The following SYNE2 variants were observed in gnomAD, a reference collection of about 807,000 sequenced individuals.
The protein encoded by SYNE2 is nesprin-2.
SYNE2 carries 431 observed loss-of-function variants against 856.3 expected under a neutral mutation model. The ratio of observed to expected loss-of-function variants is 0.50; its 90% CI spans 0.47 to 0.55. SYNE2 has a LOEUF of 0.55. Among genes scored for constraint, SYNE2 ranks in the 20% least tolerant of loss-of-function variants. The pLI, the probability that SYNE2 is intolerant of heterozygous loss-of-function variation, is 0.00. For synonymous variants in SYNE2, 2,923 were observed against 2,872.3 expected (o/e 1.02, Z -0.56); for missense variants, 8,129 against 8,023.2 (o/e 1.01, Z -0.50).
At chr14:64,002,184 A>G in intron 29 of SYNE2, 103 bp downstream of exon 29, 1 of 1,008,722 alleles carries the variant, frequency 9.9e-7, no homozygotes, top group Non-Finnish European at 1.5e-6. Flanking sequence ...ATAGATTAAG[A>G]GTATAAGCCA....
intron 11 of SYNE2, among the ~76,000 whole-genome samples, chr14:63,975,864 T>A (rs2096538329): frequency 6.6e-6 from 1 of 152,234 alleles, no homozygotes; most frequent in African/African-American, 2.4e-5. Context: ...CATAAATGTT[T>A]GGCCAATGAG....
chr14:63,779,558 C>A (rs1369050624), intron 1 of SYNE2, among the ~76,000 whole-genome samples: 1 of 151,924 alleles, frequency 6.6e-6, no homozygotes, highest in African/African-American at 2.4e-5. Flanking sequence ...GCCAAGACGT[C>A]CCCTCTCAAC....
chr14:63,832,271 A>G (rs187302014), intron 1 of SYNE2, among the ~76,000 whole-genome samples: 1 of 151,752 alleles, frequency 6.6e-6, no homozygotes, highest in East Asian at 2.0e-4. Context: ...GGAGGCTGGG[A>G]TGGGACGATC....
intron 85 of SYNE2, among the ~76,000 whole-genome samples, chr14:64,157,430 T>A (rs555174757): frequency 6.6e-6 from 1 of 152,370 alleles, no homozygotes; most frequent in South Asian, 2.1e-4. Context: ...CTTCATTTAT[T>A]TTTATGGCTA....
At chr14:64,020,750 T>A (rs984269355) in intron 35 of SYNE2, among the ~76,000 whole-genome samples, 4 of 152,200 alleles carry the variant, frequency 2.6e-5, no homozygotes, top group African/African-American at 9.7e-5. Context: ...CAAGTATGGT[T>A]TTCTGTTGTG....
upstream of SYNE2, among the ~76,000 whole-genome samples, chr14:63,849,716 G>A (rs552228556): frequency 6.6e-6 from 1 of 152,284 alleles, no homozygotes; most frequent in South Asian, 2.1e-4. Context: ...CCATGAGATC[G>A]GGCGACAGGG....
At chr14:64,175,220 G>T in intron 95 of SYNE2, 82 bp downstream of exon 95, 1 of 1,521,844 alleles carries the variant, frequency 6.6e-7, no homozygotes, top group Non-Finnish European at 9.0e-7. Context: ...AATGGAAATG[G>T]TTTTAGGAAA....
intron 65 of SYNE2, chr14:64,112,946 A>G (rs2097823413): frequency 1.1e-6 from 1 of 945,082 alleles, no homozygotes; most frequent in Non-Finnish European, 1.3e-6. Context: ...CTGTTGGAAT[A>G]GAGTGTGCAG....
intron 1 of SYNE2, among the ~76,000 whole-genome samples, chr14:63,795,697 A>T (rs1887894160): frequency 1.3e-5 from 2 of 152,192 alleles, no homozygotes; most frequent in African/African-American, 4.8e-5. Flanking sequence ...TGTGCCCAGC[A>T]ACGTGAATGT....
chr14:63,931,789 A>T (rs1354473548), intron 2 of SYNE2, among the ~76,000 whole-genome samples: 2 of 152,194 alleles, frequency 1.3e-5, no homozygotes, highest in African/African-American at 4.8e-5. Flanking sequence ...TCTCATGTTG[A>T]GTAGGAGGGA....
rs730880220 is a variant in SYNE2 at position 64,053,305 on chromosome 14, A to G, written c.9392A>G (p.Asp3131Gly). Residue 3131 changes from aspartate (D) to glycine (G), a missense_variant, in exon 48 of 116, where the codon GAT (aspartate) becomes GGT (glycine). This residue lies in a region of SYNE2 where 5,410 missense variants were observed against 5,284.8 expected (regional missense o/e 1.02). Transcript: ENST00000555002. Reference protein sequence around the residue: ...LQIKLNAEENDKLYKVLQNMV... With the variant: ...LQIKLNAEENGKLYKVLQNMV... ...ATAAAGCTGAATGCAGAAGAAAATG[A>G]TAAGTTATACAAAGTTCTCCAAAAC... The G allele has an allele frequency of 1.1e-5, 18 of 1,608,620 alleles. No homozygotes were observed. The highest frequency in any genetic ancestry group is 1.7e-5 in the Admixed American group (1 of 58,946).
At position 63,982,803 on chromosome 14, in the gene SYNE2, T is replaced by C; in HGVS notation, c.2001+9T>C. 1 of 1,613,406 alleles carries C rather than the reference T, an allele frequency of 6.2e-7. No individual in the cohort carries two copies. Among genetic ancestry groups the C allele is most frequent in the Non-Finnish European group, 8.5e-7 (1 of 1,179,556 alleles). On this transcript the variant is annotated intron_variant, in intron 17 of 115. Transcript: ENST00000555002. ...TTTCAAAAACTCAACTTGTAAGTTC[T>C]TTTGATTGGTTGCAGCTTTATTTAG...
chr14:64,098,880 A>G (rs891956401), intron 63 of SYNE2, 59 bp downstream of exon 63: 9 of 1,537,268 alleles, frequency 5.9e-6, no homozygotes, highest in South Asian at 1.1e-5. Context: ...AAAGAAGTCA[A>G]TGAAAAGATC....
At chr14:63,944,513 CTTTCTT>C (rs2095986266) in intron 6 of SYNE2, among the ~76,000 whole-genome samples, 2 of 132,530 alleles carry the variant, frequency 1.5e-5, no homozygotes, top group South Asian at 4.7e-4. Flanking sequence ...AACTTAAAGC[CTTTCTT>C]TTTTTTTTTT....
intron 1 of SYNE2, among the ~76,000 whole-genome samples, chr14:63,797,522 A>G (rs1428140847): frequency 6.6e-6 from 1 of 150,502 alleles, no homozygotes; most frequent in African/African-American, 2.4e-5. Flanking sequence ...GCTCACTGCA[A>G]CCTCCACCTC....
intron 6 of SYNE2, among the ~76,000 whole-genome samples, chr14:63,944,294 AT>A (rs2095979952): frequency 2.0e-5 from 3 of 146,738 alleles, no homozygotes; most frequent in Non-Finnish European, 3.0e-5. Flanking sequence ...ATATATATAT[AT>A]ATATATATAT....
chr14:64,140,693 A>G (rs967697753), intron 80 of SYNE2, among the ~76,000 whole-genome samples: 12 of 152,252 alleles, frequency 7.9e-5, no homozygotes, highest in African/African-American at 2.7e-4. Flanking sequence ...ATAAATGCAT[A>G]GTTTTAAATT....
chr14:63,979,309 C>T (rs532272441), intron 14 of SYNE2, among the ~76,000 whole-genome samples: 1 of 152,214 alleles, frequency 6.6e-6, no homozygotes, highest in Non-Finnish European at 1.5e-5. Context: ...ATTAAAAATT[C>T]CGCTTTCACT....
rs1013341403 is a variant in SYNE2 at position 64,130,020 on chromosome 14, A to G, written c.14140-28A>G. The G allele has an allele frequency of 6.8e-6, 11 of 1,613,244 alleles. No individual in the cohort carries two copies. The East Asian group carries it at 8.9e-5, about 13-fold the overall frequency. ...TATTGCCCCGGTTGGATGAAAATGC[A>G]TGTGTGCACCTGCTCTTCTCTTTTC... On this transcript the variant is annotated intron_variant, in intron 75 of 115. Coordinates refer to ENST00000555002, the MANE Select transcript of SYNE2 (RefSeq NM_182914.3).
Sources: gnomAD v4.1 joint callset for allele counts (sites outside exome capture counted in the v4.1 genomes callset) on GRCh38, gnomAD v4.1.1 for gene constraint, gnomAD v4.1.1 regional missense constraint, MANE v1.5 for transcripts, NCBI Gene and HGNC (gene_info 2026-07-23, HGNC 2026-07-21) for gene names.